SULT1C4: variants seen among roughly 807,000 people sequenced by gnomAD.
SULT1C4 encodes sulfotransferase family 1C member 4.
A neutral mutation model predicts 34.8 loss-of-function variants in SULT1C4; 32 were observed. The ratio of observed to expected loss-of-function variants is 0.92; its 90% CI spans 0.69 to 1.23. The LOEUF is 1.23. SULT1C4 is among the 50% of genes most tolerant of loss of function. The probability of loss-of-function intolerance (pLI) is 0.00; values close to 1 mark genes in which losing one functional copy is unlikely to be tolerated. For synonymous variants in SULT1C4, 111 were observed against 120.5 expected, an observed-to-expected ratio of 0.92 and a Z score of 0.51; for missense variants, 375 against 365.9, an observed-to-expected ratio of 1.02 and a Z score of -0.20.
chr2:108,387,123 C>T (rs1407367940), intron 6 of SULT1C4, among the ~76,000 whole-genome samples, 197 bp from the exon 7 acceptor site: 1 of 152,226 alleles, frequency 6.6e-6, no homozygotes, highest in Non-Finnish European at 1.5e-5. Context: ...GCAAGAGACT[C>T]TCCTTGTCTC....
At chr2:108,383,681 T>C (rs1436823904) in intron 5 of SULT1C4, among the ~76,000 whole-genome samples, 171 bp downstream of exon 5, 1 of 152,218 alleles carries the variant, frequency 6.6e-6, no homozygotes, top group East Asian at 1.9e-4. Context: ...AGTTTAAGTA[T>C]CACACAGTCT....
At chr2:108,384,626 A>C (rs937323365) in intron 5 of SULT1C4, among the ~76,000 whole-genome samples, 1 of 152,256 alleles carries the variant, frequency 6.6e-6, no homozygotes, top group Non-Finnish European at 1.5e-5. Flanking sequence ...TGGTAAAGAC[A>C]CTTAACATCT....
At position 108,386,380 on chromosome 2, in the gene SULT1C4, T is replaced by C. The variant is rs200542063; in HGVS notation, c.796+8T>C. The C allele has an allele frequency of 6.3e-6, 9 of 1,432,848 alleles. No homozygotes were observed. The African/African-American group carries it at 1.2e-4, about 18-fold the overall frequency. The allele number at this position is 1,432,848 out of a possible 1,614,324, so 88.8% of individuals were successfully genotyped here. Reference sequence around the variant, plus strand: ...CTCCATTCATGAGAAAAGGTTTTTATAGTTTATTTTCATTATAATCTTAAA... The same window carrying C: ...CTCCATTCATGAGAAAAGGTTTTTACAGTTTATTTTCATTATAATCTTAAA... On this transcript the variant is annotated splice_region_variant and intron_variant, in intron 6 of 6. Transcript: ENST00000272452.
rs573333233 is a variant in SULT1C4 at position 108,379,282 on chromosome 2, G to C, written c.169+776G>C. On this transcript the variant is annotated intron_variant, in intron 1 of 6. Transcript: ENST00000272452. The stretch of plus-strand genomic sequence containing the variant: ...AAAAATCTAAACCTCAGTATTTTCT[G>C]AGACTGTTCAAAATCCTCTTTTGTT... Among the ~76,000 whole-genome samples, 97 of 152,252 alleles carry C rather than the reference G, an allele frequency of 6.4e-4. No individual in the cohort carries two copies. The South Asian group carries it at 0.011, about 17-fold the overall frequency.
chr2:108,378,803 A>T (rs4149431), intron 1 of SULT1C4, among the ~76,000 whole-genome samples: 1 of 149,192 alleles, frequency 6.7e-6, no homozygotes, highest in Admixed American at 6.8e-5. Context: ...TTATTTATTC[A>T]TTCCCAATCT....
Position 108,386,902 on chromosome 2 carries a change from T to C in SULT1C4, c.797-418T>C, listed in dbSNP as rs184403406. ...GTAACAGGGATTACAATTAGAGAATTTGTGGGGGGAGGTCTTATTTTTTCT... is the reference window on the plus strand; with the variant it reads ...GTAACAGGGATTACAATTAGAGAATCTGTGGGGGGAGGTCTTATTTTTTCT... On this transcript the variant is annotated intron_variant, in intron 6 of 6. Transcript: ENST00000272452. Among the ~76,000 whole-genome samples, 113 of 152,246 alleles carry C rather than the reference T, an allele frequency of 7.4e-4. 2 individuals are homozygous for C. Among genetic ancestry groups the C allele is most frequent in the Middle Eastern group, 3.4e-3 (1 of 294 alleles).
rs1329637860 is a variant in SULT1C4 at position 108,378,433 on chromosome 2, T to C, written c.96T>C (p.Cys32=). ...VKGILQPTDT[C]DIWDKIWNFQ... ...GAATTCTTCAACCGACAGACACCTG[T>C]GACATCTGGGATAAGATCTGGAACT... Residue 32 remains cysteine (C), a synonymous_variant, in exon 1 of 7, where the codon TGT becomes TGC. Transcript: ENST00000272452. 6.2e-7 allele frequency: 1 copy of C among 1,614,062 alleles called. No individual in the cohort carries two copies. Among genetic ancestry groups the C allele is most frequent in the African/African-American group, 1.3e-5 (1 of 74,922 alleles).
rs892400661 is a variant in SULT1C4, at chr2:108,388,894, A to T, written c.*1462A>T. On this transcript the variant is annotated 3_prime_UTR_variant, in exon 7 of 7. Transcript: ENST00000272452. ...TAACCAGTCCCTTCCTCCTACAAACACTACAACCTGGAAAGCACTCTTGCT... is the reference window on the plus strand; with the variant it reads ...TAACCAGTCCCTTCCTCCTACAAACTCTACAACCTGGAAAGCACTCTTGCT... Among the ~76,000 whole-genome samples the T allele has an allele frequency of 6.6e-6, 1 of 152,090 alleles. No individual in the cohort carries two copies. The highest frequency in any genetic ancestry group is 1.5e-5 in the Non-Finnish European group (1 of 68,022).
intron 4 of SULT1C4, 87 bp downstream of exon 4, chr2:108,383,306 G>T: frequency 6.3e-7 from 1 of 1,588,990 alleles, no homozygotes; most frequent in Non-Finnish European, 8.6e-7. Context: ...GACCAGCAGG[G>T]GCTCTGCCTT....
At chr2:108,383,043 AAATT>A in intron 3 of SULT1C4, 46 bp from the exon 4 acceptor site, 1 of 1,514,596 alleles carries the variant, frequency 6.6e-7, no homozygotes, top group Admixed American at 2.3e-5. Flanking sequence ...AAAAAAAAAA[AAATT>A]CCTGTTTTTT....
chr2:108,378,345 T>A lies in SULT1C4; in HGVS notation c.8T>A (p.Leu3Ter). The change falls in exon 1 of 7, where the codon TTA becomes TAA. Residue 3 changes from leucine (L) to a stop codon, truncating the protein, a stop_gained. Coordinates refer to ENST00000272452, the MANE Select transcript of SULT1C4 (RefSeq NM_006588.4). LOFTEE classifies it high-confidence loss of function. Reference sequence around the variant, plus strand: ...CTCTGATTTCTTACACTAATGGCCTTACACGACATGGAGGATTTTACATTT... The same window carrying A: ...CTCTGATTTCTTACACTAATGGCCTAACACGACATGGAGGATTTTACATTT... MA[L>*]HDMEDFTFDG... is the part of the protein sequence containing the mutation. The A allele has an allele frequency of 6.2e-7, 1 of 1,613,778 alleles. No individual in the cohort carries two copies. Among genetic ancestry groups the A allele is most frequent in the Non-Finnish European group, 8.5e-7 (1 of 1,179,782 alleles).
chr2:108,381,641 C>CA (rs2104342202), intron 1 of SULT1C4, 121 bp from the exon 2 acceptor site: 3 of 1,169,682 alleles, frequency 2.6e-6, no homozygotes, highest in Admixed American at 3.9e-5. Context: ...GACCCTGTCT[C>CA]AAAAAACAAA....
intron 1 of SULT1C4, among the ~76,000 whole-genome samples, chr2:108,380,766 T>C (rs951171398): frequency 3.3e-5 from 5 of 152,204 alleles, no homozygotes; most frequent in African/African-American, 7.2e-5. Flanking sequence ...GAATGGTCTC[T>C]GCAAAATTTC....
At chr2:108,383,282 G>T (rs536356045) in intron 4 of SULT1C4, 63 bp downstream of exon 4, 10 of 1,593,592 alleles carry the variant, frequency 6.3e-6, no homozygotes, top group South Asian at 5.7e-5. Context: ...TAGAAGGAAA[G>T]AATCTTTTCT....
At position 108,381,850 on chromosome 2, in the gene SULT1C4, T is replaced by G. The variant is rs1573294745; in HGVS notation, c.258T>G (p.Phe86Leu). ...AACGGGCACCGACTCATCAACGATT[T>G]CCTTTCCTCGAAATGAAAATCCCAT... is the stretch of plus-strand genomic sequence containing the variant. ...KSKRAPTHQR[F>L]PFLEMKIPSL... is the part of the protein sequence containing the mutation. The change falls in exon 2 of 7, where the codon TTT (phenylalanine) becomes TTG (leucine). Residue 86 changes from phenylalanine (F) to leucine (L), a missense_variant. Phe to Leu is a conservative substitution (Grantham distance 22, BLOSUM62 0). Transcript: ENST00000272452. The G allele has an allele frequency of 7.3e-6, 11 of 1,509,876 alleles. No homozygotes were observed. Among genetic ancestry groups the G allele is most frequent in the Non-Finnish European group, 9.7e-6 (11 of 1,135,376 alleles). The allele number at this position is 1,509,876 out of a possible 1,614,324, so 93.5% of individuals were successfully genotyped here. A position where few individuals can be genotyped will look rare whatever the true frequency, so the allele number is the denominator to read the frequency against.
In SULT1C4 at chr2:108,388,335, A is replaced by G. The variant is rs879269108; in HGVS notation, c.*903A>G. Among the ~76,000 whole-genome samples, 1 of 151,890 alleles carries G rather than the reference A, an allele frequency of 6.6e-6. No individual in the cohort carries two copies. The highest frequency in any genetic ancestry group is 2.4e-5 in the African/African-American group (1 of 41,288). ...GCTACAATCCTGGAGTCACCTCTTG[A>G]CTCATCTTTCCCATTGCCACCACAA... On this transcript the variant is annotated 3_prime_UTR_variant, in exon 7 of 7. Transcript: ENST00000272452.
intron 1 of SULT1C4, among the ~76,000 whole-genome samples, chr2:108,381,201 T>A (rs1239401386): frequency 6.6e-6 from 1 of 152,154 alleles, no homozygotes; most frequent in Non-Finnish European, 1.5e-5. Context: ...AAATTAATAG[T>A]TGTGACAGAA....
chr2:108,387,340 A>G lies in SULT1C4; in HGVS notation c.817A>G (p.Lys273Glu), dbSNP rs946761823. Residue 273 changes from lysine to glutamate, a missense_variant, in exon 7 of 7, where the codon AAA becomes GAA. Lys to Glu is a moderately conservative substitution (Grantham distance 56, BLOSUM62 1). Transcript: ENST00000272452. The part of the protein sequence containing the change: ...MRKGAVGDWK[K>E]HFTVAQNERF... Reference sequence around the variant, plus strand: ...TTCAGGGGCAGTGGGAGACTGGAAGAAACACTTCACCGTGGCTCAGAATGA... The same window carrying G: ...TTCAGGGGCAGTGGGAGACTGGAAGGAACACTTCACCGTGGCTCAGAATGA... 1.2e-6 allele frequency: 2 copies of G among 1,613,840 alleles called. No individual in the cohort carries two copies. Among genetic ancestry groups the G allele is most frequent in the Non-Finnish European group, 1.7e-6 (2 of 1,179,858 alleles).
chr2:108,382,014 T>C (rs932558763), intron 2 of SULT1C4, 127 bp downstream of exon 2: 10 of 1,086,434 alleles, frequency 9.2e-6, no homozygotes, highest in African/African-American at 3.3e-5. Context: ...TGTCTTTTTT[T>C]AACTGTGTCT....
Sources: allele counts gnomAD v4.1 joint callset (sites outside exome capture counted in the v4.1 genomes callset), GRCh38; gene constraint gnomAD v4.1.1; transcripts MANE v1.5; gene names NCBI Gene and HGNC (gene_info 2026-07-23, HGNC 2026-07-21).